Variants in MIS18BP1 observed in about 807,000 individuals in gnomAD.
MIS18BP1 encodes the protein MIS18 binding protein 1.
In MIS18BP1, 72 loss-of-function variants were observed where a neutral mutation model predicts 116.1. The observed-to-expected ratio is 0.62, with a 90% CI of 0.51 to 0.75. MIS18BP1 has a LOEUF of 0.75. MIS18BP1 is among the 30% of genes least tolerant of loss of function. MIS18BP1 has a pLI of 0.00. For synonymous variants in MIS18BP1, 386 were observed against 427.0 expected (o/e 0.90, Z 1.18); for missense variants, 1,363 against 1,303.2 (o/e 1.05, Z -0.71).
intron 8 of MIS18BP1, among the ~76,000 whole-genome samples, chr14:45,228,610 G>C (rs1482920525): frequency 6.6e-6 from 1 of 152,120 alleles, no homozygotes; most frequent in Non-Finnish European, 1.5e-5. Flanking sequence ...CAGTTACTAA[G>C]CTGGAATTCT....
At chr14:45,210,591 A>G in intron 13 of MIS18BP1, 63 bp from the exon 14 acceptor site, 2 of 1,586,294 alleles carry the variant, frequency 1.3e-6, no homozygotes, top group Non-Finnish European at 1.7e-6. Context: ...ATTATCACAA[A>G]ATAGTTTTGG....
chr14:45,234,906 C>T (rs552978972), intron 6 of MIS18BP1, among the ~76,000 whole-genome samples: 3 of 152,088 alleles, frequency 2.0e-5, no homozygotes, highest in African/African-American at 7.2e-5. Flanking sequence ...AGGAGTATTT[C>T]ATTTGATATT....
At chr14:45,223,577 A>C (rs1170292261) in intron 11 of MIS18BP1, among the ~76,000 whole-genome samples, 1 of 152,234 alleles carries the variant, frequency 6.6e-6, no homozygotes, top group Non-Finnish European at 1.5e-5. Context: ...CTCCGTCTCA[A>C]TCAAAACAAA....
chr14:45,207,511 C>T (rs1890549931), intron 14 of MIS18BP1, among the ~76,000 whole-genome samples: 1 of 152,074 alleles, frequency 6.6e-6, no homozygotes, highest in African/African-American at 2.4e-5. Context: ...ATTAGCCAGG[C>T]ACGGTGGCAT....
intron 10 of MIS18BP1, among the ~76,000 whole-genome samples, chr14:45,226,529 A>C (rs1891126299): frequency 6.6e-6 from 1 of 152,208 alleles, no homozygotes. Context: ...TACCCAGATT[A>C]AAGAAGGCAA....
intron 6 of MIS18BP1, among the ~76,000 whole-genome samples, chr14:45,235,098 C>T (rs1397542506): frequency 5.3e-5 from 8 of 150,370 alleles, no homozygotes; most frequent in African/African-American, 1.7e-4. Context: ...CCCAGCTACT[C>T]GGGAGGCTGA....
chr14:45,227,913 A>C, intron 8 of MIS18BP1, 99 bp from the exon 9 acceptor site: 3 of 1,248,692 alleles, frequency 2.4e-6, no homozygotes, highest in Non-Finnish European at 3.4e-6. Context: ...GTGGTGGCTC[A>C]CGCCTGTAAT....
chr14:45,235,506 C>T (rs949879162), intron 6 of MIS18BP1, among the ~76,000 whole-genome samples: 5 of 149,404 alleles, frequency 3.3e-5, no homozygotes, highest in Non-Finnish European at 7.4e-5. Context: ...AGGACAATCA[C>T]TTGAACCCCG....
At chr14:45,225,592 A>G (rs1891103507) in intron 10 of MIS18BP1, among the ~76,000 whole-genome samples, 1 of 152,156 alleles carries the variant, frequency 6.6e-6, no homozygotes, top group East Asian at 1.9e-4. Context: ...TTCATTGCCA[A>G]TGGTGGTCAT....
At position 45,224,698 on chromosome 14, in the gene MIS18BP1, T is replaced by A. The variant is rs1183708671; in HGVS notation, c.1889A>T (p.Glu630Val). Reference sequence around the variant, plus strand: ...TCTTTCTTCATCTGAGAAAAACTGTTCCCTTGAGGTTAGAATATCAATGGA... The same window carrying A: ...TCTTTCTTCATCTGAGAAAAACTGTACCCTTGAGGTTAGAATATCAATGGA... ...DVSIDILTSR[E>V]QFFSDEERKY... The change falls in exon 11 of 17, where the codon GAA (glutamate) becomes GTA (valine). Residue 630 changes from glutamate to valine, a missense_variant. Glu to Val is a moderately radical substitution (Grantham distance 121, BLOSUM62 -2). Coordinates refer to ENST00000310806, the MANE Select transcript of MIS18BP1 (RefSeq NM_018353.5). 8 of 1,607,834 alleles carry A rather than the reference T, an allele frequency of 5.0e-6. No homozygotes were observed. Among genetic ancestry groups the A allele is most frequent in the Non-Finnish European group, 6.8e-6 (8 of 1,178,230 alleles).
rs1237634802 is a variant in MIS18BP1, at chr14:45,206,134, T to C, written c.3189A>G (p.Lys1063=). The change falls in exon 15 of 17, where the codon AAA becomes AAG. Residue 1063 remains lysine, a synonymous_variant. Transcript: ENST00000310806. ...CAATACCACCATTACTTTTATGATA[T>C]TTTTGCATACGAAAAACATATTTAT... ...DCDKYVFRMQ[K]YHKSNGGIVW... is the part of the protein sequence containing the mutation. The C allele has an allele frequency of 2.5e-6, 4 of 1,608,542 alleles. No homozygotes were observed. In the Admixed American group the frequency reaches 6.7e-5, roughly 27 times the overall value.
chr14:45,220,311 A>C (rs1448495149), intron 11 of MIS18BP1, among the ~76,000 whole-genome samples: 5 of 152,082 alleles, frequency 3.3e-5, no homozygotes, highest in Non-Finnish European at 5.9e-5. Context: ...TGTGTATGCT[A>C]TTCTAAGGTC....
At chr14:45,210,555 A>G in intron 13 of MIS18BP1, 27 bp from the exon 14 acceptor site, 1 of 1,612,606 alleles carries the variant, frequency 6.2e-7, no homozygotes, top group South Asian at 1.1e-5. Flanking sequence ...TATTATCAGC[A>G]GGCACCCCAT....
At chr14:45,242,645 C>T (rs1031505570) in intron 3 of MIS18BP1, 116 bp downstream of exon 3, 6 of 1,455,000 alleles carry the variant, frequency 4.1e-6, no homozygotes, top group Non-Finnish European at 4.6e-6. Context: ...GTCTCTTTTA[C>T]GATTCAAGCT....
chr14:45,232,177 G>A (rs1289509702), intron 7 of MIS18BP1, among the ~76,000 whole-genome samples: 1 of 152,084 alleles, frequency 6.6e-6, no homozygotes, highest in Non-Finnish European at 1.5e-5. Context: ...AGCACTTTGG[G>A]AGGCCAAGGT....
At chr14:45,226,557 G>GTT (rs921196917) in intron 10 of MIS18BP1, among the ~76,000 whole-genome samples, 186 bp downstream of exon 10, 8 of 152,140 alleles carry the variant, frequency 5.3e-5, no homozygotes, top group African/African-American at 1.9e-4. Flanking sequence ...AGTATAGGTG[G>GTT]TTTTTAAAAG....
intron 14 of MIS18BP1, among the ~76,000 whole-genome samples, chr14:45,206,867 C>A (rs1434426311): frequency 6.6e-6 from 1 of 152,084 alleles, no homozygotes; most frequent in Non-Finnish European, 1.5e-5. Flanking sequence ...CACTTCCTTC[C>A]CTGTCCTAAT....
chr14:45,218,587 CAATT>C (rs768725576), intron 11 of MIS18BP1, 133 bp from the exon 12 acceptor site: 81 of 860,234 alleles, frequency 9.4e-5, no homozygotes, highest in Non-Finnish European at 8.9e-5. Flanking sequence ...TTCTGGATAA[CAATT>C]AAGAAAGATA....
intron 4 of MIS18BP1, among the ~76,000 whole-genome samples, chr14:45,240,917 A>AATAG (rs1327295168): frequency 6.6e-6 from 1 of 152,002 alleles, no homozygotes; most frequent in Non-Finnish European, 1.5e-5. Flanking sequence ...TAAATAAATA[A>AATAG]ATAGATAGAT....
Sources: allele counts gnomAD v4.1 joint callset (sites outside exome capture counted in the v4.1 genomes callset), GRCh38; gene constraint gnomAD v4.1.1; transcripts MANE v1.5; gene names NCBI Gene and HGNC (gene_info 2026-07-23, HGNC 2026-07-21).